APBA2: variants seen among roughly 807,000 people sequenced by gnomAD.
The protein encoded by APBA2 is amyloid-beta A4 precursor protein-binding family A member 2.
Under a neutral mutation model 75.0 loss-of-function variants are expected in APBA2, and 30 were observed. The observed-to-expected ratio is 0.40, with a 90% CI of 0.30 to 0.54. The LOEUF is 0.54. Among genes scored for constraint, APBA2 ranks in the 20% least tolerant of loss-of-function variants. The pLI is 0.49. For missense variants in APBA2, 801 were observed against 1,016.1 expected, an observed-to-expected ratio of 0.79 and a Z score of 2.88; for synonymous variants, 444 against 409.6, an observed-to-expected ratio of 1.08 and a Z score of -1.01.
At chr15:29,026,290 C>CA (rs1566920952) in intron 3 of APBA2, among the ~76,000 whole-genome samples, 1 of 152,218 alleles carries the variant, frequency 6.6e-6, no homozygotes, top group East Asian at 1.9e-4. Flanking sequence ...ATCTGCCATA[C>CA]AGGGTCCTTC....
At chr15:28,942,124 A>T (rs982239552) in intron 2 of APBA2, among the ~76,000 whole-genome samples, 1 of 152,252 alleles carries the variant, frequency 6.6e-6, no homozygotes, top group East Asian at 1.9e-4. Context: ...TATTTTAACA[A>T]CATAAAAGTC....
chr15:28,937,951 C>T (rs570078959), intron 2 of APBA2, among the ~76,000 whole-genome samples: 68 of 152,342 alleles, frequency 4.5e-4, no homozygotes, highest in Non-Finnish European at 8.5e-4. Context: ...GCCACCGCGC[C>T]TGGCCCCCTT....
chr15:29,098,546 G>C lies in APBA2; in HGVS notation c.1308G>C (p.Gln436His), dbSNP rs760904540. 36 of 1,614,020 alleles carry C rather than the reference G, an allele frequency of 2.2e-5. No homozygotes were observed. The highest frequency in any genetic ancestry group is 3.0e-5 in the Non-Finnish European group (35 of 1,180,010). The change falls in exon 9 of 15, where the codon CAG (glutamine) becomes CAC (histidine). Residue 436 changes from glutamine (Q) to histidine (H), a missense_variant. Physicochemically the swap from Gln to His is conservative, Grantham distance 24. Transcript: ENST00000683413. ...LTEVDLFIST[Q>H]RIKVLNADTQ... ...AAGTGGACCTCTTCATTTCCACCCA[G>C]AGGATCAAGGTTTTAAATGCAGACA...
chr15:28,920,954 A>G (rs2033942318), intron 1 of APBA2, among the ~76,000 whole-genome samples: 1 of 152,278 alleles, frequency 6.6e-6, no homozygotes, highest in Non-Finnish European at 1.5e-5. Flanking sequence ...GGTGCTGATC[A>G]GTAAGGGGTG....
In APBA2 at chr15:29,065,518, A is replaced by G. The variant is rs117354880; in HGVS notation, c.952-9403A>G. Among the ~76,000 whole-genome samples, 304 of 152,254 alleles carry G rather than the reference A, an allele frequency of 2.0e-3. 4 individuals are homozygous for G. The East Asian group carries it at 0.044, about 22-fold the overall frequency. On this transcript the variant is annotated intron_variant, in intron 4 of 14. Transcript: ENST00000683413. The stretch of plus-strand genomic sequence containing the variant: ...ACCTATTAGAATAACTCCTAATCCT[A>G]TGTCAGATAATACCATGGGCAGCTC...
At chr15:29,062,263 G>A (rs1426487099) in intron 4 of APBA2, among the ~76,000 whole-genome samples, 1 of 152,136 alleles carries the variant, frequency 6.6e-6, no homozygotes, top group Non-Finnish European at 1.5e-5. Context: ...CATACGGGGA[G>A]GCTGCACGGG....
At chr15:28,987,990 C>T (rs2038019245) in intron 2 of APBA2, among the ~76,000 whole-genome samples, 2 of 151,830 alleles carry the variant, frequency 1.3e-5, no homozygotes, top group South Asian at 4.2e-4. Flanking sequence ...TTCCTGACCT[C>T]AAGTGGTCTG....
At chr15:29,017,082 G>A (rs1016583861) in intron 3 of APBA2, among the ~76,000 whole-genome samples, 2 of 152,064 alleles carry the variant, frequency 1.3e-5, no homozygotes, top group African/African-American at 2.4e-5. Flanking sequence ...TGATTCGGTG[G>A]GTGTTTGTGC....
chr15:29,028,861 G>T (rs1448411069), intron 3 of APBA2, among the ~76,000 whole-genome samples: 2 of 151,640 alleles, frequency 1.3e-5, no homozygotes, highest in South Asian at 2.1e-4. Context: ...GGTTGTTTGG[G>T]TTTTTTTTCT....
intron 2 of APBA2, among the ~76,000 whole-genome samples, chr15:28,981,779 G>T (rs557966832): frequency 4.5e-4 from 69 of 152,268 alleles, no homozygotes; most frequent in African/African-American, 1.6e-3. Flanking sequence ...CAGTGGACTA[G>T]ATAAAGAAAT....
intron 6 of APBA2, among the ~76,000 whole-genome samples, chr15:29,087,128 G>A (rs1318332048): frequency 1.3e-5 from 2 of 152,204 alleles, no homozygotes; most frequent in Non-Finnish European, 2.9e-5. Flanking sequence ...AGGATGTTCT[G>A]CAGAACTCCA....
intron 1 of APBA2, among the ~76,000 whole-genome samples, chr15:28,904,779 G>C (rs770048750): frequency 6.6e-6 from 1 of 152,216 alleles, no homozygotes; most frequent in Non-Finnish European, 1.5e-5. Flanking sequence ...TAGGCTGGCT[G>C]GTGGTGTTTG....
intron 4 of APBA2, among the ~76,000 whole-genome samples, chr15:29,061,871 G>A (rs920088656): frequency 2.6e-4 from 39 of 152,218 alleles, no homozygotes; most frequent in African/African-American, 9.4e-4. Flanking sequence ...TACAGAAGAG[G>A]ACTGAGACAA....
At chr15:29,008,253 G>A (rs2152810880) in intron 3 of APBA2, among the ~76,000 whole-genome samples, 1 of 152,246 alleles carries the variant, frequency 6.6e-6, no homozygotes, top group East Asian at 1.9e-4. Context: ...GGGGGTTAGT[G>A]TTTAATTAGG....
chr15:28,955,102 TTA>T (rs1251602714), intron 2 of APBA2, among the ~76,000 whole-genome samples: 1 of 152,136 alleles, frequency 6.6e-6, no homozygotes, highest in Non-Finnish European at 1.5e-5. Flanking sequence ...GAGCCTAGAA[TTA>T]TAGGACTTTG....
chr15:29,093,032 G>C (rs1413023688), intron 6 of APBA2, 43 bp from the exon 7 acceptor site: 2 of 1,613,300 alleles, frequency 1.2e-6, no homozygotes, highest in Non-Finnish European at 1.7e-6. Context: ...TTGTTCAGGG[G>C]ACTTCTCCTC....
intron 13 of APBA2, chr15:29,108,726 T>C: frequency 2.2e-6 from 1 of 457,870 alleles, no homozygotes; most frequent in Non-Finnish European, 4.0e-6. Context: ...TGGCATCACT[T>C]ACTGTGCTCA....
intron 3 of APBA2, among the ~76,000 whole-genome samples, chr15:29,025,523 C>T (rs568979602): frequency 2.0e-4 from 30 of 152,056 alleles, no homozygotes; most frequent in South Asian, 4.1e-4. Context: ...CCGCCTGCCT[C>T]GGCCTCCCAG....
At chr15:28,920,163 A>G (rs1474583192) in intron 1 of APBA2, among the ~76,000 whole-genome samples, 1 of 152,194 alleles carries the variant, frequency 6.6e-6, no homozygotes, top group Non-Finnish European at 1.5e-5. Context: ...CTGCAGAAAG[A>G]AGACAGGGCT....
Sources: gnomAD v4.1 joint callset for allele counts (sites outside exome capture counted in the v4.1 genomes callset) on GRCh38, gnomAD v4.1.1 for gene constraint, MANE v1.5 for transcripts, NCBI Gene and HGNC (gene_info 2026-07-23, HGNC 2026-07-21) for gene names.